PPP2R3A: variants seen among roughly 807,000 people sequenced by gnomAD.
PPP2R3A encodes protein phosphatase 2 regulatory subunit B''alpha.
PPP2R3A carries 80 observed loss-of-function variants against 106.9 expected under a neutral mutation model. The ratio of observed to expected loss-of-function variants is 0.75; its 90% CI spans 0.62 to 0.90. The LOEUF (loss-of-function observed/expected upper bound fraction) is 0.90, where lower values mean the gene tolerates loss of function less well. PPP2R3A is among the 40% of genes least tolerant of loss of function. The pLI is 0.00. For synonymous variants in PPP2R3A, 483 were observed against 468.3 expected (o/e 1.03, Z -0.41); for missense variants, 1,386 against 1,350.4 (o/e 1.03, Z -0.41).
At chr3:136,139,916 G>C (rs1938788051) in intron 13 of PPP2R3A, among the ~76,000 whole-genome samples, 1 of 149,282 alleles carries the variant, frequency 6.7e-6, no homozygotes. Flanking sequence ...TGAGGCAGGA[G>C]AATCGCTTGA....
intron 2 of PPP2R3A, among the ~76,000 whole-genome samples, chr3:136,025,236 T>G (rs1322085097): frequency 6.6e-6 from 1 of 152,170 alleles, no homozygotes; most frequent in Non-Finnish European, 1.5e-5. Flanking sequence ...AATTTCTGTT[T>G]TATTATTGAA....
chr3:136,082,468 T>C lies in PPP2R3A; in HGVS notation c.2788+47T>C, dbSNP rs187429791. ...AAGACTTAACCATTTTAAAGAGTTA[T>C]ATAAATTATCACTACTCATTATGAG... On this transcript the variant is annotated intron_variant, in intron 8 of 13. Coordinates refer to ENST00000264977, the MANE Select transcript of PPP2R3A (RefSeq NM_002718.5). 842 of 1,579,954 alleles carry C rather than the reference T, an allele frequency of 5.3e-4. 34 individuals are homozygous for C. The Admixed American group carries it at 0.014, about 27-fold the overall frequency.
chr3:136,075,585 C>G (rs1435907024), intron 6 of PPP2R3A, among the ~76,000 whole-genome samples: 3 of 152,026 alleles, frequency 2.0e-5, no homozygotes, highest in African/African-American at 4.8e-5. Flanking sequence ...TAGGAAATGC[C>G]TAACAGTCAA....
intron 13 of PPP2R3A, among the ~76,000 whole-genome samples, chr3:136,144,504 T>C (rs951818116): frequency 2.0e-5 from 3 of 151,918 alleles, no homozygotes; most frequent in African/African-American, 7.3e-5. Context: ...CTACTAAAAA[T>C]ACAAAACTTA....
At chr3:136,036,898 G>A (rs949519127) in intron 3 of PPP2R3A, among the ~76,000 whole-genome samples, 1 of 152,058 alleles carries the variant, frequency 6.6e-6, no homozygotes, top group African/African-American at 2.4e-5. Flanking sequence ...CCTTATTTTC[G>A]ACAGTTCTTT....
Position 136,145,167 on chromosome 3 carries a change from C to A in PPP2R3A, c.*1C>A, listed in dbSNP as rs776043015. 56 of 1,605,080 alleles carry A rather than the reference C, an allele frequency of 3.5e-5. No homozygotes were observed. Among genetic ancestry groups the A allele is most frequent in the Non-Finnish European group, 4.7e-5 (55 of 1,177,524 alleles). ...GCTTCAATCAGTGGATGAAGAATAG[C>A]TGCCGGTGTCTACAATGAAACGAAG... is the stretch of plus-strand genomic sequence containing the variant. On this transcript the variant is annotated 3_prime_UTR_variant, in exon 14 of 14. Transcript: ENST00000264977.
chr3:136,106,264 G>T lies in PPP2R3A; in HGVS notation c.3271G>T (p.Ala1091Ser). 1 of 1,612,612 alleles carries T rather than the reference G, an allele frequency of 6.2e-7. No homozygotes were observed. The highest frequency in any genetic ancestry group is 1.1e-5 in the South Asian group (1 of 90,522). ...PEPSDWDRFA[A>S]EEYETLVAEE... Reference sequence around the variant, plus strand: ...GCCCTCAGACTGGGACCGGTTTGCCGCTGAGGAGTATGAGACGCTTGTTGC... The same window carrying T: ...GCCCTCAGACTGGGACCGGTTTGCCTCTGAGGAGTATGAGACGCTTGTTGC... The change falls in exon 13 of 14, where the codon GCT becomes TCT. Residue 1091 changes from alanine to serine, a missense_variant. Ala to Ser is a moderately conservative substitution (Grantham distance 99). Coordinates refer to ENST00000264977, the MANE Select transcript of PPP2R3A (RefSeq NM_002718.5).
chr3:136,088,617 T>G (rs1937018225), intron 9 of PPP2R3A, among the ~76,000 whole-genome samples: 1 of 152,192 alleles, frequency 6.6e-6, no homozygotes, highest in Non-Finnish European at 1.5e-5. Flanking sequence ...TACCCAGTAA[T>G]GGGATTGCTG....
At chr3:136,073,958 C>G (rs966883593) in intron 6 of PPP2R3A, among the ~76,000 whole-genome samples, 2 of 152,178 alleles carry the variant, frequency 1.3e-5, no homozygotes, top group South Asian at 4.1e-4. Context: ...ACAGCAAAAA[C>G]AGTTAAGATC....
chr3:136,029,264 A>G (rs974924429), intron 3 of PPP2R3A, among the ~76,000 whole-genome samples: 1 of 152,198 alleles, frequency 6.6e-6, no homozygotes, highest in African/African-American at 2.4e-5. Flanking sequence ...TGCTGAGGTC[A>G]TCATGTCTGG....
intron 1 of PPP2R3A, among the ~76,000 whole-genome samples, chr3:135,984,409 G>A (rs1937578703): frequency 6.6e-6 from 1 of 152,118 alleles, no homozygotes. Flanking sequence ...GTTGACATAA[G>A]AATTAAATTA....
chr3:136,110,068 C>A (rs73222230), intron 13 of PPP2R3A, among the ~76,000 whole-genome samples: 12 of 152,216 alleles, frequency 7.9e-5, no homozygotes, highest in Non-Finnish European at 1.0e-4. Flanking sequence ...AATAGCTACA[C>A]CTCAGCAACA....
chr3:135,988,026 C>T (rs1247891381), intron 1 of PPP2R3A, among the ~76,000 whole-genome samples: 1 of 152,014 alleles, frequency 6.6e-6, no homozygotes, highest in Non-Finnish European at 1.5e-5. Flanking sequence ...TTCTATCAAC[C>T]CGGATCTGTC....
intron 4 of PPP2R3A, among the ~76,000 whole-genome samples, chr3:136,046,909 A>C (rs1044459779): frequency 6.6e-6 from 1 of 152,214 alleles, no homozygotes; most frequent in African/African-American, 2.4e-5. Flanking sequence ...ACCAAACTGA[A>C]CTTCTAGAAT....
At chr3:136,075,949 TC>T (rs1228374677) in intron 6 of PPP2R3A, among the ~76,000 whole-genome samples, 1 of 152,130 alleles carries the variant, frequency 6.6e-6, no homozygotes. Flanking sequence ...TACATGAACT[TC>T]CGCCAAGCTA....
intron 8 of PPP2R3A, among the ~76,000 whole-genome samples, chr3:136,085,158 C>G (rs1260761690): frequency 6.6e-6 from 1 of 152,034 alleles, no homozygotes; most frequent in Admixed American, 6.6e-5. Context: ...AATTGTAGCT[C>G]CCATAATCCC....
chr3:136,040,812 C>T, intron 3 of PPP2R3A, 47 bp from the exon 4 acceptor site: 1 of 1,472,250 alleles, frequency 6.8e-7, no homozygotes, highest in Non-Finnish European at 9.2e-7. Context: ...GCCGTGTCAT[C>T]TCTTCATTCC....
intron 5 of PPP2R3A, chr3:136,055,122 G>T: frequency 1.5e-6 from 1 of 667,388 alleles, no homozygotes. Flanking sequence ...TTGCTACAAG[G>T]CTTTTTTCCT....
chr3:136,064,008 G>A (rs1236863124), intron 5 of PPP2R3A, among the ~76,000 whole-genome samples: 2 of 151,326 alleles, frequency 1.3e-5, no homozygotes, highest in Admixed American at 6.6e-5. Context: ...CAAAGACTTG[G>A]AACCAACCCA....
Sources: allele counts gnomAD v4.1 joint callset (sites outside exome capture counted in the v4.1 genomes callset), GRCh38; gene constraint gnomAD v4.1.1; transcripts MANE v1.5; gene names NCBI Gene and HGNC (gene_info 2026-07-23, HGNC 2026-07-21).